Variants in DHX35 observed in about 807,000 individuals in gnomAD.
DHX35 encodes the protein DEAH-box helicase 35.
DHX35 carries 84 observed loss-of-function variants against 99.6 expected under a neutral mutation model. That is an observed-to-expected ratio of 0.84 (90% CI 0.71 to 1.01). The LOEUF is 1.01. DHX35 is among the 50% of genes least tolerant of loss of function. The pLI, the probability that DHX35 is intolerant of heterozygous loss-of-function variation, is 0.00. For missense variants in DHX35, 852 were observed against 888.5 expected, an observed-to-expected ratio of 0.96 and a Z score of 0.52; for synonymous variants, 331 against 316.2, an observed-to-expected ratio of 1.05 and a Z score of -0.50.
chr20:38,971,606 C>T (rs2085998051), intron 2 of DHX35, among the ~76,000 whole-genome samples: 2 of 152,170 alleles, frequency 1.3e-5, no homozygotes, highest in South Asian at 2.1e-4. Context: ...GTCAACCTCT[C>T]TGGGGGCAGC....
intron 4 of DHX35, among the ~76,000 whole-genome samples, chr20:38,986,727 G>A (rs2086255352): frequency 6.6e-6 from 1 of 152,182 alleles, no homozygotes; most frequent in African/African-American, 2.4e-5. Flanking sequence ...TGGTCATTGG[G>A]AAATACAACC....
rs749484460 is a variant in DHX35, at chr20:39,014,967, T to C, written c.1402+33T>C. On this transcript the variant is annotated intron_variant, in intron 14 of 21. Transcript: ENST00000252011. ...AGTTTCTCTCATCATTCTCTCTTAT[T>C]ATGTGTTGTCTTTTGTGATATTAGT... The C allele has an allele frequency of 9.9e-6, 16 of 1,613,018 alleles. No individual in the cohort carries two copies. The Admixed American group carries it at 2.7e-4, about 27-fold the overall frequency.
chr20:38,974,391 C>T (rs1409712049), intron 3 of DHX35, among the ~76,000 whole-genome samples: 1 of 152,134 alleles, frequency 6.6e-6, no homozygotes, highest in Non-Finnish European at 1.5e-5. Flanking sequence ...GGTGCTTTTG[C>T]ACCAATCTAA....
intron 8 of DHX35, among the ~76,000 whole-genome samples, chr20:38,997,396 TAATTGTTCAC>T (rs775336372): frequency 2.6e-5 from 4 of 152,228 alleles, no homozygotes; most frequent in Admixed American, 6.5e-5. Context: ...TAATACTTAC[TAATTGTTCAC>T]AATTGCCTTT....
chr20:39,030,839 C>T, intron 20 of DHX35, 64 bp downstream of exon 20: 9 of 1,551,964 alleles, frequency 5.8e-6, no homozygotes, highest in South Asian at 1.1e-5. Context: ...TGTTTTTCTC[C>T]TGTACATGTT....
At chr20:39,009,519 G>A (rs2086667217) in intron 12 of DHX35, among the ~76,000 whole-genome samples, 1 of 152,080 alleles carries the variant, frequency 6.6e-6, no homozygotes, top group Non-Finnish European at 1.5e-5. Context: ...GACTGATGTG[G>A]GAGGTTTTGG....
Position 39,003,800 on chromosome 20 carries a change from G to T in DHX35, c.904G>T (p.Ala302Ser). 1 of 1,614,234 alleles carries T rather than the reference G, an allele frequency of 6.2e-7. No individual in the cohort carries two copies. Among genetic ancestry groups the T allele is most frequent in the South Asian group, 1.1e-5 (1 of 91,078 alleles). Residue 302 changes from alanine (A) to serine (S), a missense_variant, in exon 11 of 22, where the codon GCT (alanine) becomes TCT (serine). Transcript: ENST00000252011. ...SMLIEQARAL[A>S]RTGMKRHLRV... ...GCTCATCGAGCAGGCTCGAGCACTA[G>T]CTCGCACTGGGATGAAGAGACACCT...
At chr20:39,026,196 C>A (rs141499346) in intron 18 of DHX35, among the ~76,000 whole-genome samples, 3 of 152,134 alleles carry the variant, frequency 2.0e-5, no homozygotes, top group Non-Finnish European at 2.9e-5. Flanking sequence ...ACTGAGTGTT[C>A]CATGTGTTTA....
chr20:39,018,152 A>G (rs1271473723), intron 14 of DHX35, among the ~76,000 whole-genome samples: 3 of 152,162 alleles, frequency 2.0e-5, no homozygotes, highest in Admixed American at 2.0e-4. Context: ...CATGTTTACA[A>G]TTCAAGGTGA....
intron 5 of DHX35, among the ~76,000 whole-genome samples, chr20:38,990,240 C>T (rs998027008): frequency 2.0e-5 from 3 of 152,132 alleles, no homozygotes; most frequent in East Asian, 1.9e-4. Flanking sequence ...GTTCTCACTA[C>T]GTATGTATGT....
In DHX35 at chr20:39,002,851, G is replaced by T. The variant is rs771220983; in HGVS notation, c.835G>T (p.Ala279Ser). 2 of 1,614,162 alleles carry T rather than the reference G, an allele frequency of 1.2e-6. No homozygotes were observed. Among genetic ancestry groups the T allele is most frequent in the Admixed American group, 3.3e-5 (2 of 60,018 alleles). Residue 279 changes from alanine (A) to serine (S), a missense_variant, in exon 10 of 22, where the codon GCA becomes TCA. Physicochemically the swap from Ala to Ser is moderately conservative, Grantham distance 99 (BLOSUM62 1). Coordinates refer to ENST00000252011, the MANE Select transcript of DHX35 (RefSeq NM_021931.4). ...GACAGAGGGAGACGGAGACGTTTTA[G>T]CATTTCTTACTGGCCAGGTAATGCC... ...HQTEGDGDVL[A>S]FLTGQEEVET...
intron 3 of DHX35, 41 bp downstream of exon 3, chr20:38,972,692 G>T: frequency 1.4e-6 from 2 of 1,438,592 alleles, no homozygotes; most frequent in Non-Finnish European, 1.9e-6. Context: ...CTTCGATTTG[G>T]CTGGAAGAAT....
Position 38,962,384 on chromosome 20 carries a change from G to T in DHX35, c.17G>T (p.Gly6Val). The change falls in exon 1 of 22, where the codon GGA becomes GTA. Residue 6 changes from glycine (G) to valine (V), a missense_variant. Coordinates refer to ENST00000252011, the MANE Select transcript of DHX35 (RefSeq NM_021931.4). MAAPV[G>V]PVKFWRPGTE... ...TACCCCAACATGGCTGCGCCCGTGG[G>T]ACCGGTGAAGTTCTGGCGACCCGGT... 1 of 1,612,892 alleles carries T rather than the reference G, an allele frequency of 6.2e-7. No individual in the cohort carries two copies.
intron 1 of DHX35, among the ~76,000 whole-genome samples, chr20:38,967,016 C>T (rs1211405966): frequency 1.3e-5 from 2 of 152,126 alleles, no homozygotes; most frequent in African/African-American, 2.4e-5. Flanking sequence ...TGACAGTGCC[C>T]CACTTACCTG....
intron 4 of DHX35, among the ~76,000 whole-genome samples, chr20:38,986,423 A>G (rs1469961258): frequency 2.0e-5 from 3 of 152,210 alleles, no homozygotes; most frequent in Non-Finnish European, 2.9e-5. Context: ...CAAATAGTGA[A>G]GGAGTAAGAA....
intron 6 of DHX35, 25 bp from the exon 7 acceptor site, chr20:38,992,331 C>T: frequency 6.2e-7 from 1 of 1,612,050 alleles, no homozygotes; most frequent in Non-Finnish European, 8.5e-7. Flanking sequence ...TAGAGGCTCA[C>T]TGAGAGCTTC....
At chr20:39,035,475 T>G (rs1036266199) in intron 21 of DHX35, among the ~76,000 whole-genome samples, 2 of 152,260 alleles carry the variant, frequency 1.3e-5, no homozygotes, top group Non-Finnish European at 2.9e-5. Flanking sequence ...AGAGAAAGTC[T>G]GAAACCTTTT....
intron 3 of DHX35, 66 bp downstream of exon 3, chr20:38,972,717 G>A (rs2145839132): frequency 9.4e-7 from 1 of 1,066,488 alleles, no homozygotes; most frequent in Non-Finnish European, 1.4e-6. Context: ...TAACTTGAGA[G>A]CTCTCTTTAC....
chr20:38,984,228 G>T (rs900922410), intron 4 of DHX35, among the ~76,000 whole-genome samples: 7 of 152,180 alleles, frequency 4.6e-5, no homozygotes, highest in Admixed American at 4.6e-4. Context: ...TGTTTTAAAA[G>T]AATTATGATT....
Sources: allele counts gnomAD v4.1 joint callset (sites outside exome capture counted in the v4.1 genomes callset), GRCh38; gene constraint gnomAD v4.1.1; transcripts MANE v1.5; gene names NCBI Gene and HGNC (gene_info 2026-07-23, HGNC 2026-07-21).